The following SYNDIG1 variants were observed in gnomAD, a reference collection of about 807,000 sequenced individuals.
SYNDIG1 encodes synapse differentiation inducing 1.
A neutral mutation model predicts 19.4 loss-of-function variants in SYNDIG1; 9 were observed. That is an observed-to-expected ratio of 0.46 (90% CI 0.28 to 0.81). SYNDIG1 has a LOEUF of 0.81. Among genes scored for constraint, SYNDIG1 ranks in the 30% least tolerant of loss-of-function variants. The probability of loss-of-function intolerance (pLI) is 0.12; values close to 1 mark genes in which losing one functional copy is unlikely to be tolerated. For synonymous variants in SYNDIG1, 141 were observed against 145.9 expected, an observed-to-expected ratio of 0.97 and a Z score of 0.24; for missense variants, 311 against 343.3, an observed-to-expected ratio of 0.91 and a Z score of 0.74.
intron 1 of SYNDIG1, among the ~76,000 whole-genome samples, chr20:24,488,293 G>A (rs1434132270): frequency 6.6e-6 from 1 of 152,228 alleles, no homozygotes; most frequent in Non-Finnish European, 1.5e-5. Context: ...CACCATGCGA[G>A]GCACTGCATT....
chr20:24,631,256 A>T (rs1029990515), intron 3 of SYNDIG1, among the ~76,000 whole-genome samples: 1 of 152,246 alleles, frequency 6.6e-6, no homozygotes, highest in African/African-American at 2.4e-5. Context: ...AAGGTTGGAA[A>T]CCGTGGCCTG....
At chr20:24,486,741 C>T (rs759272006) in intron 1 of SYNDIG1, among the ~76,000 whole-genome samples, 23 of 152,028 alleles carry the variant, frequency 1.5e-4, no homozygotes, top group Non-Finnish European at 2.9e-4. Context: ...TCCCCGAAAC[C>T]TCCACCTCCC....
intron 3 of SYNDIG1, among the ~76,000 whole-genome samples, chr20:24,601,594 T>C (rs547327797): frequency 6.6e-6 from 1 of 152,216 alleles, no homozygotes. Context: ...ATTTTTAAAA[T>C]ATGAATTTGG....
chr20:24,572,971 C>T (rs2058168758), intron 2 of SYNDIG1, among the ~76,000 whole-genome samples: 1 of 152,074 alleles, frequency 6.6e-6, no homozygotes, highest in Non-Finnish European at 1.5e-5. Context: ...GCCCTCTGTT[C>T]CAGGGAGGAT....
intron 1 of SYNDIG1, among the ~76,000 whole-genome samples, chr20:24,541,686 A>C (rs994443794): frequency 2.6e-5 from 4 of 152,262 alleles, no homozygotes; most frequent in Non-Finnish European, 5.9e-5. Context: ...GACATAGCAG[A>C]GACTGCTTAT....
At chr20:24,545,370 A>G (rs888819788) in intron 2 of SYNDIG1, among the ~76,000 whole-genome samples, 2 of 152,200 alleles carry the variant, frequency 1.3e-5, no homozygotes, top group Non-Finnish European at 2.9e-5. Context: ...GCTTCTGTTC[A>G]GAAGCCTCTG....
chr20:24,604,133 A>G (rs1399822167), intron 3 of SYNDIG1, among the ~76,000 whole-genome samples: 2 of 151,602 alleles, frequency 1.3e-5, no homozygotes, highest in Non-Finnish European at 2.9e-5. Context: ...TTTTTTTTTC[A>G]AAGTTGTGTG....
chr20:24,506,847 G>C lies in SYNDIG1; in HGVS notation c.-78-36173G>C, dbSNP rs144337546. On this transcript the variant is annotated intron_variant, in intron 1 of 3. Transcript: ENST00000376862. ...CCTGTGGGCCCCAGTCACATGTGAG[G>C]GGCAGGTTTGAGTCACTCACACAGG... Among the ~76,000 whole-genome samples, 422 of 152,300 alleles carry C rather than the reference G, an allele frequency of 2.8e-3. 5 individuals are homozygous for C. Among genetic ancestry groups the C allele is most frequent in the African/African-American group, 9.5e-3 (394 of 41,564 alleles).
chr20:24,630,645 C>T (rs903768114), intron 3 of SYNDIG1, among the ~76,000 whole-genome samples: 3 of 152,242 alleles, frequency 2.0e-5, no homozygotes, highest in African/African-American at 7.2e-5. Context: ...GAATCCCTTA[C>T]GTGGCTGCAG....
At chr20:24,501,942 A>T (rs572488218) in intron 1 of SYNDIG1, among the ~76,000 whole-genome samples, 1 of 152,282 alleles carries the variant, frequency 6.6e-6, no homozygotes, top group South Asian at 2.1e-4. Context: ...GCAAGGGGAG[A>T]CTGCTCTGCC....
At chr20:24,503,982 C>T (rs550950303) in intron 1 of SYNDIG1, among the ~76,000 whole-genome samples, 7 of 116,540 alleles carry the variant, frequency 6.0e-5, no homozygotes, top group African/African-American at 2.5e-4. Context: ...TTTTTTGAGA[C>T]GGAGTCTCAC....
At chr20:24,552,580 A>G (rs1032856836) in intron 2 of SYNDIG1, among the ~76,000 whole-genome samples, 12 of 151,658 alleles carry the variant, frequency 7.9e-5, no homozygotes, top group Non-Finnish European at 1.8e-4. Flanking sequence ...TGTCCTTGCA[A>G]TAGTTTACTG....
intron 1 of SYNDIG1, among the ~76,000 whole-genome samples, chr20:24,489,247 CACAG>C (rs1421089537): frequency 6.6e-6 from 1 of 152,174 alleles, no homozygotes; most frequent in Non-Finnish European, 1.5e-5. Context: ...CATGCACACA[CACAG>C]ACACACATGC....
intron 3 of SYNDIG1, among the ~76,000 whole-genome samples, chr20:24,634,632 G>A (rs574827490): frequency 6.6e-6 from 1 of 152,210 alleles, no homozygotes; most frequent in African/African-American, 2.4e-5. Flanking sequence ...ATCTTTATGT[G>A]TGTTATTTTT....
chr20:24,501,102 TA>T (rs2056442750), intron 1 of SYNDIG1, among the ~76,000 whole-genome samples: 1 of 152,250 alleles, frequency 6.6e-6, no homozygotes, highest in South Asian at 2.1e-4. Flanking sequence ...CCTATCTATC[TA>T]CTTATCTACC....
intron 2 of SYNDIG1, among the ~76,000 whole-genome samples, chr20:24,552,005 C>T (rs967218783): frequency 6.6e-6 from 1 of 152,126 alleles, no homozygotes. Flanking sequence ...AATTCCTGTT[C>T]GTGTCTCCTG....
chr20:24,541,067 CAG>C (rs1267883819), intron 1 of SYNDIG1, among the ~76,000 whole-genome samples: 1 of 152,184 alleles, frequency 6.6e-6, no homozygotes, highest in African/African-American at 2.4e-5. Flanking sequence ...TTGACTAAGA[CAG>C]AAAAAATCAG....
intron 1 of SYNDIG1, among the ~76,000 whole-genome samples, chr20:24,482,909 A>G (rs1041114881): frequency 6.6e-6 from 1 of 152,214 alleles, no homozygotes; most frequent in Admixed American, 6.5e-5. Context: ...TGTTCTCCAC[A>G]TTGTTAATGG....
At chr20:24,559,928 T>C (rs1262610258) in intron 2 of SYNDIG1, among the ~76,000 whole-genome samples, 1 of 151,938 alleles carries the variant, frequency 6.6e-6, no homozygotes, top group Non-Finnish European at 1.5e-5. Flanking sequence ...GTAATTGCCA[T>C]GTCTTGGTGT....
Sources: allele counts gnomAD v4.1 joint callset (sites outside exome capture counted in the v4.1 genomes callset), GRCh38; gene constraint gnomAD v4.1.1; transcripts MANE v1.5; gene names NCBI Gene and HGNC (gene_info 2026-07-23, HGNC 2026-07-21).